Variants in NCF2 observed in about 807,000 individuals in gnomAD.
NCF2 encodes the protein neutrophil cytosolic factor 2, also known as neutrophil cytosol factor 2.
NCF2 carries 45 observed loss-of-function variants against 70.9 expected under a neutral mutation model. That is an observed-to-expected ratio of 0.63 (90% CI 0.50 to 0.81). The LOEUF is 0.81. NCF2 is among the 40% of genes least tolerant of loss of function. The pLI is 0.00. For missense variants in NCF2, 522 were observed against 631.6 expected, an observed-to-expected ratio of 0.83 and a Z score of 1.86; for synonymous variants, 203 against 233.6, an observed-to-expected ratio of 0.87 and a Z score of 1.19.
intron 2 of NCF2, among the ~76,000 whole-genome samples, chr1:183,585,579 C>T (rs34423782): frequency 0.1 from 14,785 of 146,006 alleles, 874 homozygotes; most frequent in African/African-American, 0.16. Context: ...GAGCCGAGAT[C>T]GCGCCACTGC....
upstream of NCF2, among the ~76,000 whole-genome samples, chr1:183,591,222 C>T (rs919644058): frequency 3.3e-5 from 5 of 152,236 alleles, no homozygotes; most frequent in African/African-American, 1.2e-4. Context: ...CAGGGTGTCA[C>T]CAGCCAGAGG....
the NCF2 span, among the ~76,000 whole-genome samples, chr1:183,598,748 A>C: frequency 2.6e-5 from 4 of 152,232 alleles, no homozygotes; most frequent in East Asian, 7.7e-4. Flanking sequence ...CTATACAGAT[A>C]ATTGAAGACC....
chr1:183,563,353 A>C (rs1174690877), intron 12 of NCF2, 47 bp from the exon 13 acceptor site: 2 of 1,613,626 alleles, frequency 1.2e-6, no homozygotes, highest in Admixed American at 3.3e-5. Flanking sequence ...ACATCATCAC[A>C]AAAACCATCC....
At chr1:183,579,860 A>AT (rs1273709502) in intron 2 of NCF2, among the ~76,000 whole-genome samples, 5 of 151,824 alleles carry the variant, frequency 3.3e-5, no homozygotes, top group Non-Finnish European at 5.9e-5. Flanking sequence ...ACACACCATA[A>AT]TTTTTTTACT....
At chr1:183,566,308 A>T (rs1022611527) in intron 9 of NCF2, among the ~76,000 whole-genome samples, 1 of 152,200 alleles carries the variant, frequency 6.6e-6, no homozygotes, top group African/African-American at 2.4e-5. Flanking sequence ...GGCCTGGCAG[A>T]AGGACAGACT....
the NCF2 span, among the ~76,000 whole-genome samples, chr1:183,599,393 C>A: frequency 9.4e-5 from 13 of 138,726 alleles, no homozygotes; most frequent in East Asian, 4.5e-4. Context: ...AAAACAAAAC[C>A]AAACCTCTTT....
the NCF2 span, among the ~76,000 whole-genome samples, chr1:183,596,522 C>T: frequency 6.6e-6 from 1 of 151,908 alleles, no homozygotes; most frequent in Admixed American, 6.6e-5. Flanking sequence ...ACCTATAATC[C>T]CAGCACTTTG....
At chr1:183,594,404 A>G (rs1411168775), upstream of NCF2, among the ~76,000 whole-genome samples, 4 of 152,222 alleles carry the variant, frequency 2.6e-5, no homozygotes, top group Non-Finnish European at 5.9e-5. Flanking sequence ...GCAAGACTCC[A>G]TCTCTTAAAA....
intron 10 of NCF2, 166 bp from the exon 11 acceptor site, chr1:183,564,196 C>T: frequency 1.4e-6 from 1 of 740,264 alleles, no homozygotes; most frequent in Non-Finnish European, 2.4e-6. Flanking sequence ...GAAAATCTCG[C>T]CCTGGGGAAG....
upstream of NCF2, among the ~76,000 whole-genome samples, chr1:183,591,445 A>G (rs1260742690): frequency 6.6e-6 from 1 of 150,828 alleles, no homozygotes; most frequent in African/African-American, 2.4e-5. Context: ...AGACAGGATA[A>G]TCTTTGGAGA....
chr1:183,569,014 C>A lies in NCF2; in HGVS notation c.713+128G>T, dbSNP rs1373532866. 7 of 864,856 alleles carry A rather than the reference C, an allele frequency of 8.1e-6. No individual in the cohort carries two copies. The East Asian group carries it at 9.6e-5, about 12-fold the overall frequency. 53.6% of individuals were successfully genotyped at this position (864,856 alleles called of 1,614,324 possible). A position where few individuals can be genotyped will look rare whatever the true frequency, so the allele number is the denominator to read the frequency against. On this transcript the variant is annotated intron_variant, in intron 7 of 14. Coordinates refer to ENST00000367535, the MANE Select transcript of NCF2 (RefSeq NM_000433.4). ...TTCTAGCCTGACATTCTAGAAGAAGCCTGACATTCCAGAAAATTCAACAAG... is the reference window on the plus strand; with the variant it reads ...TTCTAGCCTGACATTCTAGAAGAAGACTGACATTCCAGAAAATTCAACAAG...
chr1:183,585,624 C>CAAAAAAAAAAAAAAAAAGAAAAAAAAAA (rs750881920), intron 2 of NCF2, among the ~76,000 whole-genome samples: 1 of 114,602 alleles, frequency 8.7e-6, no homozygotes, highest in African/African-American at 4.5e-5. Flanking sequence ...AACTCCGTCT[C>CAAAAAAAAAAAAAAAAAGAAAAAAAAAA]AAAAAAAAAA....
rs535305485 is a variant in NCF2 at position 183,581,347 on chromosome 1, G to A, written c.258-3640C>T. On this transcript the variant is annotated intron_variant, in intron 2 of 14. Transcript: ENST00000367535. ...AGTCCAACAACCAAAAAAACAGGGT[G>A]GGGCCAGGGGCTGAGGTTTGAGCCT... 8.7e-4 allele frequency among the ~76,000 whole-genome samples: 131 copies of A among 150,958 alleles called. 1 individual carries two copies. The South Asian group carries it at 0.026, about 30-fold the overall frequency.
At chr1:183,585,385 G>A (rs965528993) in intron 2 of NCF2, among the ~76,000 whole-genome samples, 1 of 152,174 alleles carries the variant, frequency 6.6e-6, no homozygotes, top group Admixed American at 6.5e-5. Context: ...CAGTACTTTG[G>A]GAGGCCGAGG....
intron 3 of NCF2, among the ~76,000 whole-genome samples, chr1:183,575,678 GTCTTGC>G (rs554511489): frequency 1.4e-3 from 212 of 152,334 alleles, no homozygotes; most frequent in Non-Finnish European, 1.3e-3. Flanking sequence ...CATTGACACT[GTCTTGC>G]TCTTGGGTCA....
At chr1:183,564,175 T>C (rs1184677803) in intron 10 of NCF2, 145 bp from the exon 11 acceptor site, 1 of 835,816 alleles carries the variant, frequency 1.2e-6, no homozygotes, top group Non-Finnish European at 2.0e-6. Flanking sequence ...TTAACCTTAG[T>C]AAACTGTGGG....
chr1:183,566,771 G>A (rs1672316620), intron 9 of NCF2, 149 bp downstream of exon 9: 1 of 999,688 alleles, frequency 1.0e-6, no homozygotes, highest in African/African-American at 1.6e-5. Flanking sequence ...TCAGCTCTGG[G>A]TAGCTGGTGC....
chr1:183,558,280 T>C (rs1455280034), intron 14 of NCF2, among the ~76,000 whole-genome samples: 2 of 151,984 alleles, frequency 1.3e-5, no homozygotes, highest in Non-Finnish European at 2.9e-5. Context: ...TTTTTGTTTT[T>C]TTTTTGAGAC....
At chr1:183,582,102 G>T (rs2102923248) in intron 2 of NCF2, among the ~76,000 whole-genome samples, 1 of 152,340 alleles carries the variant, frequency 6.6e-6, no homozygotes, top group East Asian at 1.9e-4. Flanking sequence ...GTTCCGCTTT[G>T]ACACACAGCT....
Sources: gnomAD v4.1 joint callset for allele counts (sites outside exome capture counted in the v4.1 genomes callset) on GRCh38, gnomAD v4.1.1 for gene constraint, MANE v1.5 for transcripts, NCBI Gene and HGNC (gene_info 2026-07-23, HGNC 2026-07-21) for gene names.